The following SLC2A9 variants were observed in gnomAD, a reference collection of about 807,000 sequenced individuals.
SLC2A9 encodes the protein solute carrier family 2 member 9.
SLC2A9 carries 39 observed loss-of-function variants against 50.6 expected under a neutral mutation model. That is an observed-to-expected ratio of 0.77 (90% CI 0.60 to 1.01). SLC2A9 has a LOEUF of 1.01. SLC2A9 is among the 50% of genes least tolerant of loss of function. The probability of loss-of-function intolerance (pLI) is 0.00; values close to 1 mark genes in which losing one functional copy is unlikely to be tolerated. For synonymous variants in SLC2A9, 324 were observed against 276.9 expected (o/e 1.17, Z -1.69); for missense variants, 686 against 677.6 (o/e 1.01, Z -0.14).
At chr4:9,903,192 C>T (rs114212289) in intron 8 of SLC2A9, among the ~76,000 whole-genome samples, 5 of 152,100 alleles carry the variant, frequency 3.3e-5, no homozygotes, top group Non-Finnish European at 7.4e-5. Context: ...AACTCTGAGG[C>T]CTTTGATTCT....
downstream of SLC2A9, among the ~76,000 whole-genome samples, chr4:9,797,041 T>C (rs547597979): frequency 9.2e-5 from 14 of 152,228 alleles, no homozygotes; most frequent in Non-Finnish European, 1.9e-4. Flanking sequence ...TACTATGATC[T>C]ACCATTATAC....
At chr4:9,898,897 A>C (rs1423472156) in intron 8 of SLC2A9, among the ~76,000 whole-genome samples, 1 of 151,996 alleles carries the variant, frequency 6.6e-6, no homozygotes, top group Non-Finnish European at 1.5e-5. Context: ...CTAGAGCCGT[A>C]CTCCGTTGAG....
intron 10 of SLC2A9, among the ~76,000 whole-genome samples, chr4:9,863,033 A>G (rs1020503598): frequency 6.6e-6 from 1 of 152,084 alleles, no homozygotes; most frequent in Non-Finnish European, 1.5e-5. Flanking sequence ...AACTGTTATC[A>G]GTGTACATGT....
chr4:9,934,047 A>T (rs1056973694), intron 6 of SLC2A9, among the ~76,000 whole-genome samples: 1 of 152,198 alleles, frequency 6.6e-6, no homozygotes, highest in African/African-American at 2.4e-5. Flanking sequence ...TGTGACCTTA[A>T]TTCCATCTGT....
At chr4:9,985,829 A>G in intron 3 of SLC2A9, 36 bp from the exon 4 acceptor site, 1 of 1,613,658 alleles carries the variant, frequency 6.2e-7, no homozygotes, top group Non-Finnish European at 8.5e-7. Flanking sequence ...AAGATGTCTA[A>G]CCATGAGGCA....
In SLC2A9 at chr4:9,980,453, AC is replaced by A. The variant is rs1196266031; in HGVS notation, c.681+138del. The A allele has an allele frequency of 5.3e-6, 6 of 1,138,554 alleles. No homozygotes were observed. In the African/African-American group the frequency reaches 9.3e-5, roughly 18 times the overall value. 70.5% of individuals were successfully genotyped at this position (1,138,554 alleles called of 1,614,324 possible). A position where few individuals can be genotyped will look rare whatever the true frequency, so the allele number is the denominator to read the frequency against. ...AAAATAAACTCAAAGGAACTCCACA[AC>A]TTTTCTCCAATAATAAGTAAGAGGC... On this transcript the variant is annotated intron_variant, in intron 5 of 11. Coordinates refer to ENST00000264784, the MANE Select transcript of SLC2A9 (RefSeq NM_020041.3).
chr4:9,972,920 T>A (rs1328120197), intron 5 of SLC2A9, among the ~76,000 whole-genome samples: 1 of 152,060 alleles, frequency 6.6e-6, no homozygotes, highest in Admixed American at 6.6e-5. Context: ...ACTCCAAAGT[T>A]AGCAAAAGAA....
chr4:9,847,035 G>C (rs1227052449), intron 10 of SLC2A9, among the ~76,000 whole-genome samples: 1 of 152,122 alleles, frequency 6.6e-6, no homozygotes, highest in Admixed American at 6.5e-5. Context: ...CCATTTTCTT[G>C]TACATAAAAT....
chr4:9,909,353 T>C (rs1741272735), intron 7 of SLC2A9, among the ~76,000 whole-genome samples: 1 of 152,180 alleles, frequency 6.6e-6, no homozygotes, highest in African/African-American at 2.4e-5. Flanking sequence ...CCAGGATGTG[T>C]GGTCTTGGAG....
In SLC2A9 at chr4:9,913,330, T is replaced by TGAGAGAGA. The variant is rs968021703; in HGVS notation, c.1003-4993_1003-4986dup. Among the ~76,000 whole-genome samples, 177 of 88,806 alleles carry TGAGAGAGA rather than the reference T, an allele frequency of 2.0e-3. 5 individuals carry two copies. The East Asian group carries it at 0.022, about 11-fold the overall frequency. 58.3% of individuals were successfully genotyped at this position (88,806 alleles called of 152,430 possible). On this transcript the variant is annotated intron_variant, in intron 7 of 11. Transcript: ENST00000264784. ...GTGTGTGTGTGTGTGTGTGTGTGTG[T>TGAGAGAGA]GAGAGAGAGAGAGAGAGAGAGAGAG...
At chr4:9,881,658 G>A (rs1274583074) in intron 10 of SLC2A9, among the ~76,000 whole-genome samples, 1 of 152,176 alleles carries the variant, frequency 6.6e-6, no homozygotes, top group Non-Finnish European at 1.5e-5. Context: ...CACAAACTAG[G>A]CCAGGGACCA....
intron 3 of SLC2A9, among the ~76,000 whole-genome samples, chr4:9,802,710 C>T (rs961429603): frequency 2.6e-5 from 4 of 151,882 alleles, no homozygotes; most frequent in African/African-American, 9.7e-5. Context: ...AGGTGCCCAC[C>T]ACTACGCCTG....
At chr4:10,004,264 C>T (rs527308893) in intron 2 of SLC2A9, among the ~76,000 whole-genome samples, 75 of 152,262 alleles carry the variant, frequency 4.9e-4, no homozygotes, top group African/African-American at 1.8e-3. Context: ...AGTGGAGAAA[C>T]ACATCCCACA....
chr4:10,003,757 G>A (rs964022426), intron 2 of SLC2A9, among the ~76,000 whole-genome samples: 1 of 152,206 alleles, frequency 6.6e-6, no homozygotes, highest in African/African-American at 2.4e-5. Context: ...GGTCATGCAT[G>A]ATACAGAATG....
At chr4:9,784,282 G>GT (rs929613938) in intron 3 of SLC2A9, among the ~76,000 whole-genome samples, 13 of 93,496 alleles carry the variant, frequency 1.4e-4, no homozygotes, top group Non-Finnish European at 1.5e-4. Context: ...AAGACCAGAT[G>GT]TTTTTTTTCT....
At chr4:9,955,546 C>T (rs1197933287) in intron 5 of SLC2A9, among the ~76,000 whole-genome samples, 1 of 151,204 alleles carries the variant, frequency 6.6e-6, no homozygotes, top group East Asian at 2.0e-4. Context: ...AAACCGTGCA[C>T]TTGATCTCTC....
intron 3 of SLC2A9, chr4:9,783,588 C>T (rs1718823081): frequency 2.1e-6 from 2 of 944,540 alleles, no homozygotes; most frequent in Non-Finnish European, 3.1e-6. Flanking sequence ...TGTAGTAGCT[C>T]GTGTGCTTAG....
chr4:9,809,565 C>T (rs1560139222), intron 3 of SLC2A9, among the ~76,000 whole-genome samples: 1 of 152,184 alleles, frequency 6.6e-6, no homozygotes, highest in Non-Finnish European at 1.5e-5. Flanking sequence ...CAACTGAGCA[C>T]ATTCCAGACG....
At chr4:10,025,938 TCTC>T (rs762116867), upstream of SLC2A9, 36 of 1,614,050 alleles carry the variant, frequency 2.2e-5, no homozygotes, top group Non-Finnish European at 3.0e-5. Flanking sequence ...TTCTTCATCT[TCTC>T]CTCGGTCCTT....
Sources: gnomAD v4.1 joint callset for allele counts (sites outside exome capture counted in the v4.1 genomes callset) on GRCh38, gnomAD v4.1.1 for gene constraint, MANE v1.5 for transcripts, NCBI Gene and HGNC (gene_info 2026-07-23, HGNC 2026-07-21) for gene names.